CSF2RB: variants seen among roughly 807,000 people sequenced by gnomAD.
CSF2RB encodes cytokine receptor common subunit beta.
Under a neutral mutation model 67.2 loss-of-function variants are expected in CSF2RB, and 22 were observed. That is an observed-to-expected ratio of 0.33 (90% CI 0.23 to 0.47). The LOEUF is 0.47. Ranked by LOEUF, CSF2RB falls within the 20% of genes least tolerant of loss-of-function variation. The pLI is 1.00. For missense variants in CSF2RB, 1,113 were observed against 1,174.5 expected, an observed-to-expected ratio of 0.95 and a Z score of 0.76; for synonymous variants, 507 against 482.9, an observed-to-expected ratio of 1.05 and a Z score of -0.65.
rs1243326171 is a variant in CSF2RB at position 36,937,593 on chromosome 22, G to A, written c.1785G>A (p.Gly595=). Reference sequence around the variant, plus strand: ...TTGACTTCAATGGGCCCTACCTGGGGCCGCCCCACAGCCGCTCCCTACCTG... The same window carrying A: ...TTGACTTCAATGGGCCCTACCTGGGACCGCCCCACAGCCGCTCCCTACCTG... The part of the protein sequence containing the change: ...SSFDFNGPYL[G]PPHSRSLPDI... Residue 595 remains glycine (G), a synonymous_variant, in exon 14 of 14, where the codon GGG becomes GGA. Transcript: ENST00000403662. This position sits in a 1 kb window ranked among gnomAD's most constrained non-coding sequence, Gnocchi z 4.6. The A allele has an allele frequency of 3.1e-6, 5 of 1,595,426 alleles. No individual in the cohort carries two copies. The African/African-American group carries it at 4.0e-5, about 13-fold the overall frequency.
intron 9 of CSF2RB, among the ~76,000 whole-genome samples, chr22:36,933,219 A>G (rs1941192711): frequency 1.3e-5 from 2 of 152,178 alleles, no homozygotes; most frequent in African/African-American, 4.8e-5. Context: ...AAAAGTCATG[A>G]AAGTTTGGGG....
chr22:36,922,370 T>G, intron 2 of CSF2RB, 87 bp downstream of exon 2: 3 of 1,313,298 alleles, frequency 2.3e-6, no homozygotes, highest in Non-Finnish European at 3.2e-6. Flanking sequence ...CTCAGGATCC[T>G]GCCCGCCAGC....
Position 36,933,895 on chromosome 22 carries a change from A to G in CSF2RB, c.1216A>G (p.Thr406Ala), listed in dbSNP as rs1429163116. ...SMALPALEPS[T>A]RYWARVRVRT... Reference sequence around the variant, plus strand: ...GGCCCTGCCAGCCCTGGAGCCCTCCACCAGGTACTGGGCCAGGGTGAGGGT... The same window carrying G: ...GGCCCTGCCAGCCCTGGAGCCCTCCGCCAGGTACTGGGCCAGGGTGAGGGT... The change falls in exon 10 of 14, where the codon ACC becomes GCC. Residue 406 changes from threonine (T) to alanine (A), a missense_variant. Physicochemically the swap from Thr to Ala is moderately conservative, Grantham distance 58. Transcript: ENST00000403662. The G allele has an allele frequency of 1.2e-6, 2 of 1,611,590 alleles. No homozygotes were observed. The highest frequency in any genetic ancestry group is 1.7e-6 in the Non-Finnish European group (2 of 1,179,956).
At chr22:36,922,727 T>A in intron 2 of CSF2RB, 1 of 294,500 alleles carries the variant, frequency 3.4e-6, no homozygotes, top group Non-Finnish European at 6.6e-6. Context: ...CCTGGGCTCT[T>A]GAGGTGAAAT....
chr22:36,924,387 A>G (rs1190987663), intron 3 of CSF2RB, among the ~76,000 whole-genome samples: 1 of 150,886 alleles, frequency 6.6e-6, no homozygotes, highest in East Asian at 2.0e-4. Context: ...CCAAGTCCCC[A>G]CTCTGCCCTG....
Position 36,937,874 on chromosome 22 carries a change from A to G in CSF2RB, c.2066A>G (p.Lys689Arg). 6.2e-7 allele frequency: 1 copy of G among 1,614,032 alleles called. No homozygotes were observed. The highest frequency in any genetic ancestry group is 8.5e-7 in the Non-Finnish European group (1 of 1,179,964). The change falls in exon 14 of 14, where the codon AAG becomes AGG. Residue 689 changes from lysine (K) to arginine (R), a missense_variant. Physicochemically the swap from Lys to Arg is conservative, Grantham distance 26. Around this residue, in one of 2 missense-constraint regions of CSF2RB, gnomAD observed 554 missense variants for 517.9 expected, o/e 1.07. Transcript: ENST00000403662. The surrounding 1 kb of genome is among the most constrained non-coding windows in gnomAD (Gnocchi z 4.6). The stretch of plus-strand genomic sequence containing the variant: ...CCAAGGGTGGGAGGACAGGACCAAA[A>G]GGACAGCCCTGTGGCTATACCCATG... ...LGPRVGGQDQKDSPVAIPMSS... is the reference protein window; with the variant it reads ...LGPRVGGQDQRDSPVAIPMSS...
intron 8 of CSF2RB, among the ~76,000 whole-genome samples, chr22:36,932,430 G>A (rs1315419012): frequency 2.6e-5 from 2 of 76,334 alleles, no homozygotes; most frequent in South Asian, 5.0e-4. Context: ...GTGAGACTCC[G>A]TCTCAAAAAA....
chr22:36,935,291 C>T (rs1455750040), intron 10 of CSF2RB, 60 bp from the exon 11 acceptor site: 8 of 1,524,260 alleles, frequency 5.2e-6, no homozygotes, highest in Non-Finnish European at 7.3e-6. Context: ...CCACTCCCTG[C>T]CCTGAGGTCG....
chr22:36,936,410 C>A, intron 12 of CSF2RB, 139 bp from the exon 13 acceptor site: 2 of 721,990 alleles, frequency 2.8e-6, no homozygotes, highest in South Asian at 1.5e-5. Flanking sequence ...GTCAAAAGGC[C>A]GTGGCCAGTC....
Position 36,937,398 on chromosome 22 carries a change from G to T in CSF2RB, c.1590G>T (p.Gly530=). The T allele has an allele frequency of 6.2e-7, 1 of 1,613,726 alleles. No individual in the cohort carries two copies. Reference sequence around the variant, plus strand: ...ACAGGGTGTTCCCTGTAGGATTCGGGGACAGCGAGGTGTCACCTCTCACCA... The same window carrying T: ...ACAGGGTGTTCCCTGTAGGATTCGGTGACAGCGAGGTGTCACCTCTCACCA... ...ELEGVFPVGF[G]DSEVSPLTIE... is the part of the protein sequence containing the mutation. The change falls in exon 14 of 14, where the codon GGG becomes GGT. Residue 530 remains glycine (G), a synonymous_variant. Coordinates refer to ENST00000403662, the MANE Select transcript of CSF2RB (RefSeq NM_000395.3). This position sits in a 1 kb window ranked among gnomAD's most constrained non-coding sequence, Gnocchi z 4.6.
At chr22:36,917,565 T>C (rs918051631) in intron 1 of CSF2RB, among the ~76,000 whole-genome samples, 1 of 152,218 alleles carries the variant, frequency 6.6e-6, no homozygotes, top group Non-Finnish European at 1.5e-5. Flanking sequence ...CCTGTCCCCA[T>C]GCTTACTCTT....
intron 9 of CSF2RB, 64 bp downstream of exon 9, chr22:36,932,968 G>A (rs985904045): frequency 3.7e-6 from 6 of 1,602,452 alleles, no homozygotes; most frequent in South Asian, 1.1e-5. Flanking sequence ...AAAGCAACCA[G>A]AGGCATTCCA....
Position 36,919,600 on chromosome 22 carries a change from G to A in CSF2RB, c.-172-2436G>A, listed in dbSNP as rs959173821. 1.1e-4 allele frequency among the ~76,000 whole-genome samples: 16 copies of A among 151,438 alleles called. No individual in the cohort carries two copies. In the East Asian group the frequency reaches 2.3e-3, roughly 22 times the overall value. ...TTTTTTTTGCGTTTTTAGTAAAGACGGGGTTCTACCACGTTGGCCAGGCTG... is the reference window on the plus strand; with the variant it reads ...TTTTTTTTGCGTTTTTAGTAAAGACAGGGTTCTACCACGTTGGCCAGGCTG... On this transcript the variant is annotated intron_variant, in intron 1 of 13. Coordinates refer to ENST00000403662, the MANE Select transcript of CSF2RB (RefSeq NM_000395.3).
At chr22:36,920,594 A>G (rs758479907) in intron 1 of CSF2RB, among the ~76,000 whole-genome samples, 126 of 152,322 alleles carry the variant, frequency 8.3e-4, no homozygotes, top group Non-Finnish European at 1.5e-3. Flanking sequence ...GGATGAGTAC[A>G]TTGGTGCAAA....
At chr22:36,921,938 T>A (rs955844255) in intron 1 of CSF2RB, 98 bp from the exon 2 acceptor site, 13 of 572,086 alleles carry the variant, frequency 2.3e-5, no homozygotes, top group Non-Finnish European at 3.8e-5. Context: ...AGGTCATGCA[T>A]GAGGGCCACT....
chr22:36,928,196 G>C (rs1382774155), intron 4 of CSF2RB, among the ~76,000 whole-genome samples: 1 of 152,202 alleles, frequency 6.6e-6, no homozygotes, highest in South Asian at 2.1e-4. Flanking sequence ...CATGTTTGGA[G>C]ACCTTGGACA....
rs776485688 is a variant in CSF2RB at position 36,938,435 on chromosome 22, C to T, written c.2627C>T (p.Ala876Val). The T allele has an allele frequency of 9.3e-6, 15 of 1,614,080 alleles. No homozygotes were observed. In the Admixed American group the frequency reaches 2.0e-4, roughly 22 times the overall value. ...GTGCCCGTCATTCAGCTCTTCAAAG[C>T]CCTGAAGCAGCAGGACTACCTGTCT... ...PQVPVIQLFK[A>V]LKQQDYLSLP... The change falls in exon 14 of 14, where the codon GCC becomes GTC. Residue 876 changes from alanine to valine, a missense_variant. Ala to Val is a moderately conservative substitution (Grantham distance 64, BLOSUM62 0). Transcript: ENST00000403662.
At chr22:36,921,597 C>A (rs935320076) in intron 1 of CSF2RB, among the ~76,000 whole-genome samples, 1 of 152,086 alleles carries the variant, frequency 6.6e-6, no homozygotes, top group Non-Finnish European at 1.5e-5. Context: ...AGGGAGGAAA[C>A]CCCCGGCCTC....
Position 36,939,029 on chromosome 22 carries a change from A to G in CSF2RB, c.*527A>G. 1.1e-5 allele frequency: 7 copies of G among 651,594 alleles called. No individual in the cohort carries two copies. The highest frequency in any genetic ancestry group is 1.0e-4 in the South Asian group (6 of 59,562). 40.4% of individuals were successfully genotyped at this position (651,594 alleles called of 1,614,324 possible). Reference sequence around the variant, plus strand: ...CACCAGGTGGGCACCCGTGGGGGTTAGGGCTTGGAAGAGTGGCACAGGACT... The same window carrying G: ...CACCAGGTGGGCACCCGTGGGGGTTGGGGCTTGGAAGAGTGGCACAGGACT... On this transcript the variant is annotated 3_prime_UTR_variant, in exon 14 of 14. Transcript: ENST00000403662.
Sources: gnomAD v4.1 joint callset for allele counts (sites outside exome capture counted in the v4.1 genomes callset) on GRCh38, gnomAD v4.1.1 for gene constraint, gnomAD v4.1.1 regional missense constraint, Gnocchi (gnomAD v3.1) non-coding constraint, MANE v1.5 for transcripts, NCBI Gene and HGNC (gene_info 2026-07-23, HGNC 2026-07-21) for gene names.